Variants in MYO9A observed in about 807,000 individuals in gnomAD.
The protein encoded by MYO9A is unconventional myosin-IXa.
MYO9A carries 103 observed loss-of-function variants against 293.3 expected under a neutral mutation model. The observed-to-expected ratio is 0.35, with a 90% CI of 0.30 to 0.41. The LOEUF is 0.41. Ranked by LOEUF, MYO9A falls within the 10% of genes least tolerant of loss-of-function variation. The probability of loss-of-function intolerance (pLI) is 1.00; values close to 1 mark genes in which losing one functional copy is unlikely to be tolerated. For synonymous variants in MYO9A, 1,001 were observed against 1,035.7 expected (o/e 0.97, Z 0.64); for missense variants, 2,685 against 3,033.0 (o/e 0.89, Z 2.69).
intron 21 of MYO9A, among the ~76,000 whole-genome samples, chr15:71,903,518 G>A (rs954460938): frequency 2.0e-5 from 3 of 152,210 alleles, no homozygotes; most frequent in Admixed American, 6.5e-5. Context: ...TTGCTGATAC[G>A]AGTAGCTGTG....
chr15:72,018,190 G>T (rs1287674725), intron 6 of MYO9A, among the ~76,000 whole-genome samples: 1 of 152,084 alleles, frequency 6.6e-6, no homozygotes, highest in Non-Finnish European at 1.5e-5. Context: ...AAAATAGGCT[G>T]GGCATAGTGG....
intron 1 of MYO9A, among the ~76,000 whole-genome samples, chr15:72,112,192 C>T (rs983439474): frequency 6.6e-6 from 1 of 151,876 alleles, no homozygotes; most frequent in Admixed American, 6.6e-5. Context: ...AAGTATGCTC[C>T]AAAATTATTG....
In MYO9A at chr15:71,824,716, G is replaced by GCATAA. The variant is rs1256744948; in HGVS notation, c.*1859_*1863dup. 2 of 152,206 alleles carry GCATAA rather than the reference G, an allele frequency of 1.3e-5. No individual in the cohort carries two copies. The highest frequency in any genetic ancestry group is 2.9e-5 in the Non-Finnish European group (2 of 68,034). 9.4% of individuals were successfully genotyped at this position (152,206 alleles called of 1,614,324 possible). A position where few individuals can be genotyped will look rare whatever the true frequency, so the allele number is the denominator to read the frequency against. ...GTGGCAGATGTCTGTGGGATATAAA[G>GCATAA]CATAACATTTGCTCATTAACTATCA... On this transcript the variant is annotated 3_prime_UTR_variant, in exon 42 of 42. Transcript: ENST00000356056.
At chr15:71,852,397 CT>C in intron 35 of MYO9A, 137 bp from the exon 36 acceptor site, 1 of 854,486 alleles carries the variant, frequency 1.2e-6, no homozygotes, top group Non-Finnish European at 1.6e-6. Context: ...GAGTTTCACT[CT>C]TGTTGGCCAG....
chr15:72,107,667 T>C (rs186915352), intron 1 of MYO9A, among the ~76,000 whole-genome samples: 3 of 152,044 alleles, frequency 2.0e-5, no homozygotes, highest in Non-Finnish European at 4.4e-5. Context: ...GCAGGAAAAG[T>C]CCATGGTGAG....
intron 18 of MYO9A, among the ~76,000 whole-genome samples, chr15:71,926,253 G>A (rs7170754): frequency 0.2 from 30,051 of 152,006 alleles, 3,194 homozygotes; most frequent in East Asian, 0.41. Flanking sequence ...GTCCTGGGGG[G>A]CATGCGCAAG....
intron 1 of MYO9A, among the ~76,000 whole-genome samples, chr15:72,065,712 A>C (rs79416727): frequency 0.051 from 7,799 of 152,174 alleles, 334 homozygotes; most frequent in East Asian, 0.18. Flanking sequence ...ACATATCAAA[A>C]AAAAGACTTA....
chr15:72,057,052 A>G (rs1212009039), intron 1 of MYO9A, among the ~76,000 whole-genome samples: 1 of 152,052 alleles, frequency 6.6e-6, no homozygotes, highest in African/African-American at 2.4e-5. Context: ...GGTTGCAGTG[A>G]GCCGAGATTG....
At chr15:72,052,073 G>A (rs2078582551) in intron 1 of MYO9A, among the ~76,000 whole-genome samples, 1 of 152,166 alleles carries the variant, frequency 6.6e-6, no homozygotes, top group Admixed American at 6.5e-5. Context: ...CAGACTTGGG[G>A]AGACAACCAC....
rs2077424434 is a variant in MYO9A at position 72,019,099 on chromosome 15, AAAGT to A, written c.1099-8_1099-5del. The A allele has an allele frequency of 6.2e-7, 1 of 1,612,540 alleles. No individual in the cohort carries two copies. Among genetic ancestry groups the A allele is most frequent in the Non-Finnish European group, 8.5e-7 (1 of 1,178,764 alleles). ...GTCTGAGGGGTTTCTTTGTTATCTG[AAAGT>A]AAGGCAGATTAGTTAGGTAGAAGTA... is the stretch of plus-strand genomic sequence containing the variant. On this transcript the variant is annotated splice_region_variant and splice_polypyrimidine_tract_variant and intron_variant, in intron 5 of 41. Coordinates refer to ENST00000356056, the MANE Select transcript of MYO9A (RefSeq NM_006901.4).
chr15:72,002,246 ATTTT>A (rs34970982), intron 8 of MYO9A, among the ~76,000 whole-genome samples: 1 of 140,144 alleles, frequency 7.1e-6, no homozygotes, highest in Admixed American at 7.2e-5. Flanking sequence ...TGACCAGCTA[ATTTT>A]TTTTTTTTTT....
At chr15:72,021,267 T>A (rs1450880581) in intron 4 of MYO9A, among the ~76,000 whole-genome samples, 1 of 152,166 alleles carries the variant, frequency 6.6e-6, no homozygotes, top group Admixed American at 6.5e-5. Flanking sequence ...CTCTTCTCCA[T>A]AAAACCAATG....
intron 11 of MYO9A, among the ~76,000 whole-genome samples, chr15:71,978,883 C>A (rs192024677): frequency 2.0e-5 from 3 of 150,964 alleles, no homozygotes; most frequent in Admixed American, 2.0e-4. Flanking sequence ...TCCATTTTTT[C>A]TTATTCTTTC....
intron 18 of MYO9A, among the ~76,000 whole-genome samples, chr15:71,920,622 A>G (rs553176912): frequency 3.9e-5 from 6 of 152,166 alleles, no homozygotes; most frequent in Non-Finnish European, 8.8e-5. Flanking sequence ...GGCATTTCTC[A>G]TGTTATTAAA....
chr15:71,906,926 CTAAT>C (rs2057673827), intron 19 of MYO9A, among the ~76,000 whole-genome samples: 1 of 148,650 alleles, frequency 6.7e-6, no homozygotes, highest in African/African-American at 2.5e-5. Flanking sequence ...CCACACCCGG[CTAAT>C]TTTTTTTTTC....
At chr15:72,036,409 T>C (rs1190146534) in intron 2 of MYO9A, 1 of 152,168 alleles carries the variant, frequency 6.6e-6, no homozygotes, top group African/African-American at 2.4e-5. Context: ...AACCAAAGGA[T>C]TGCAAGAACC....
chr15:71,951,103 T>C (rs2059039245), intron 15 of MYO9A, among the ~76,000 whole-genome samples: 1 of 152,208 alleles, frequency 6.6e-6, no homozygotes, highest in Admixed American at 6.5e-5. Flanking sequence ...ACCATGATTC[T>C]GTTATTATTC....
chr15:72,007,816 A>G lies in MYO9A; in HGVS notation c.1380+10T>C. 1.3e-6 allele frequency: 2 copies of G among 1,597,716 alleles called. No individual in the cohort carries two copies. The highest frequency in any genetic ancestry group is 1.7e-6 in the Non-Finnish European group (2 of 1,175,668). On this transcript the variant is annotated intron_variant, in intron 8 of 41. Coordinates refer to ENST00000356056, the MANE Select transcript of MYO9A (RefSeq NM_006901.4). ...GATTTGAAATGACAACTGAAAATGT[A>G]ATCACTCACCTCTAATAATTCTGAG...
chr15:71,872,013 AG>A (rs1313573337), intron 32 of MYO9A, among the ~76,000 whole-genome samples: 1 of 152,060 alleles, frequency 6.6e-6, no homozygotes, highest in Admixed American at 6.6e-5. Context: ...GCTGGGAAAG[AG>A]GTCTACTTTA....
Sources: allele counts gnomAD v4.1 joint callset (sites outside exome capture counted in the v4.1 genomes callset), GRCh38; gene constraint gnomAD v4.1.1; transcripts MANE v1.5; gene names NCBI Gene and HGNC (gene_info 2026-07-23, HGNC 2026-07-21).